The following ADAMTS17 variants were observed in gnomAD, a reference collection of about 807,000 sequenced individuals.
ADAMTS17 encodes the protein ADAM metallopeptidase with thrombospondin type 1 motif 17, also known as A disintegrin and metalloproteinase with thrombospondin motifs 17.
Under a neutral mutation model 141.5 loss-of-function variants are expected in ADAMTS17, and 113 were observed. The observed-to-expected ratio is 0.80, with a 90% CI of 0.69 to 0.93. The LOEUF is 0.93. Ranked by LOEUF, ADAMTS17 falls within the 40% of genes least tolerant of loss-of-function variation. The pLI is 0.00. For missense variants in ADAMTS17, 1,659 were observed against 1,517.9 expected (o/e 1.09, Z -1.54); for synonymous variants, 768 against 630.6 (o/e 1.22, Z -3.27).
intron 18 of ADAMTS17, among the ~76,000 whole-genome samples, chr15:100,017,941 A>G (rs1433417183): frequency 6.6e-6 from 1 of 152,190 alleles, no homozygotes; most frequent in African/African-American, 2.4e-5. Flanking sequence ...CATCAAATCC[A>G]TTTGTAAGCT....
chr15:100,158,790 C>G (rs932307708), intron 8 of ADAMTS17, among the ~76,000 whole-genome samples: 4 of 151,970 alleles, frequency 2.6e-5, no homozygotes, highest in Admixed American at 2.6e-4. Context: ...AACTAACAAC[C>G]CAGTTAAAAA....
chr15:100,089,995 A>T (rs868017140), intron 15 of ADAMTS17, among the ~76,000 whole-genome samples: 6,386 of 149,972 alleles, frequency 0.043, 441 homozygotes, highest in African/African-American at 0.15. Flanking sequence ...ATAAAATTAA[A>T]AAAAAAAAAA....
chr15:100,037,680 A>G (rs1216112555), intron 18 of ADAMTS17, among the ~76,000 whole-genome samples: 1 of 151,652 alleles, frequency 6.6e-6, no homozygotes, highest in Non-Finnish European at 1.5e-5. Context: ...AAGTGCTGGG[A>G]TTACAGGCAT....
chr15:100,090,875 G>T (rs1444388472), intron 15 of ADAMTS17, among the ~76,000 whole-genome samples: 1 of 151,828 alleles, frequency 6.6e-6, no homozygotes, highest in Admixed American at 6.6e-5. Context: ...AGGTTTGGTG[G>T]TGCATGCCAG....
intron 6 of ADAMTS17, among the ~76,000 whole-genome samples, chr15:100,257,616 CTTG>C (rs1251444236): frequency 1.3e-5 from 2 of 152,236 alleles, no homozygotes; most frequent in Non-Finnish European, 1.5e-5. Flanking sequence ...CTGACAAAAC[CTTG>C]TTTTCTCTGT....
chr15:100,264,845 T>C (rs2043653556), intron 4 of ADAMTS17, among the ~76,000 whole-genome samples: 1 of 152,086 alleles, frequency 6.6e-6, no homozygotes, highest in Non-Finnish European at 1.5e-5. Context: ...GTTTAATGGG[T>C]ACAGAGTTTC....
intron 10 of ADAMTS17, among the ~76,000 whole-genome samples, chr15:100,151,454 G>C (rs2039160728): frequency 6.6e-6 from 1 of 152,196 alleles, no homozygotes; most frequent in African/African-American, 2.4e-5. Flanking sequence ...TGGGCATTGG[G>C]ACCGCATTCT....
chr15:100,063,041 C>G (rs559530082), intron 15 of ADAMTS17, among the ~76,000 whole-genome samples: 30 of 152,314 alleles, frequency 2.0e-4, no homozygotes, highest in Admixed American at 1.2e-3. Flanking sequence ...AGGATACCCT[C>G]AGAAGGTCTT....
intron 2 of ADAMTS17, among the ~76,000 whole-genome samples, chr15:100,336,095 C>G (rs1392505475): frequency 1.3e-5 from 2 of 152,254 alleles, no homozygotes; most frequent in African/African-American, 2.4e-5. Context: ...ATCGTCCCAT[C>G]TTTTACTTCT....
chr15:100,329,921 A>G (rs970612001), intron 3 of ADAMTS17, among the ~76,000 whole-genome samples: 1 of 152,344 alleles, frequency 6.6e-6, no homozygotes, highest in East Asian at 1.9e-4. Flanking sequence ...CTAAACCAAG[A>G]CACATTGTTT....
In ADAMTS17 at chr15:99,997,830, C is replaced by T. The variant is rs138295597; in HGVS notation, c.2592-241G>A. Among the ~76,000 whole-genome samples the T allele has an allele frequency of 2.8e-3, 425 of 152,302 alleles. No homozygotes were observed. The highest frequency in any genetic ancestry group is 9.7e-3 in the African/African-American group (402 of 41,564). On this transcript the variant is annotated intron_variant, in intron 18 of 21. Transcript: ENST00000268070. The surrounding 1 kb of genome is among the most constrained non-coding windows in gnomAD (Gnocchi z 4.7). ...CATCTTTCTGCAACCAACACCCCTA[C>T]GGCAGACAGAATTATCTGGTCACGG...
chr15:100,240,711 T>C (rs1046445841), intron 7 of ADAMTS17, among the ~76,000 whole-genome samples: 15 of 152,232 alleles, frequency 9.9e-5, no homozygotes, highest in African/African-American at 3.6e-4. Context: ...CTTCTAAGAA[T>C]GTATTATTCT....
chr15:100,195,613 CAA>C lies in ADAMTS17; in HGVS notation c.1181+3703_1181+3704del, dbSNP rs71287815. The stretch of plus-strand genomic sequence containing the variant: ...AAATGACTGGCCCATTGTTTGGTCT[CAA>C]AAAAAAAAAAAAAAAAAAAAAGAAG... On this transcript the variant is annotated intron_variant, in intron 8 of 21. Transcript: ENST00000268070. Among the ~76,000 whole-genome samples, 132 of 63,626 alleles carry C rather than the reference CAA, an allele frequency of 2.1e-3. 1 individual carries two copies. Among genetic ancestry groups the C allele is most frequent in the African/African-American group, 6.6e-3 (109 of 16,566 alleles). The allele number at this position is 63,626 out of a possible 152,430, so 41.7% of individuals were successfully genotyped here.
chr15:100,050,208 G>A (rs1226110697), intron 17 of ADAMTS17, among the ~76,000 whole-genome samples: 1 of 152,160 alleles, frequency 6.6e-6, no homozygotes, highest in East Asian at 1.9e-4. Flanking sequence ...GAAGCTGGAA[G>A]TCATCAGTGT....
intron 7 of ADAMTS17, among the ~76,000 whole-genome samples, chr15:100,203,824 G>A (rs975582122): frequency 1.6e-4 from 24 of 152,124 alleles, no homozygotes; most frequent in African/African-American, 3.9e-4. Context: ...ACTTGAACGC[G>A]GGAGGTAGAG....
At chr15:100,033,228 G>C (rs1415403240) in intron 18 of ADAMTS17, among the ~76,000 whole-genome samples, 1 of 152,094 alleles carries the variant, frequency 6.6e-6, no homozygotes, top group Admixed American at 6.5e-5. Flanking sequence ...GATTCTGTTG[G>C]TACAATCTTG....
At chr15:100,047,320 G>A (rs140417730) in intron 18 of ADAMTS17, among the ~76,000 whole-genome samples, 2,395 of 134,476 alleles carry the variant, frequency 0.018, 92 homozygotes, top group Middle Eastern at 0.05. Flanking sequence ...GCCTCCATTT[G>A]CCTTGTGATA....
chr15:99,974,649 C>T (rs1222640803), intron 21 of ADAMTS17, 87 bp from the exon 22 acceptor site: 6 of 1,549,028 alleles, frequency 3.9e-6, no homozygotes, highest in Non-Finnish European at 5.3e-6. Context: ...GTGGTCTGAC[C>T]GTCTGGGCTC....
chr15:100,035,827 G>A (rs544854148), intron 18 of ADAMTS17, among the ~76,000 whole-genome samples: 1 of 152,258 alleles, frequency 6.6e-6, no homozygotes, highest in Admixed American at 6.5e-5. Context: ...GTATAAATAT[G>A]AAAAAGAAAT....
Sources: gnomAD v4.1 joint callset for allele counts (sites outside exome capture counted in the v4.1 genomes callset) on GRCh38, gnomAD v4.1.1 for gene constraint, Gnocchi (gnomAD v3.1) non-coding constraint, MANE v1.5 for transcripts, NCBI Gene and HGNC (gene_info 2026-07-23, HGNC 2026-07-21) for gene names.